RIMS2: variants seen among roughly 807,000 people sequenced by gnomAD.
The protein encoded by RIMS2 is regulating synaptic membrane exocytosis 2, also known as regulating synaptic membrane exocytosis protein 2.
In RIMS2, 59 loss-of-function variants were observed where a neutral mutation model predicts 174.4. The ratio of observed to expected loss-of-function variants is 0.34; its 90% CI spans 0.27 to 0.42. The LOEUF (loss-of-function observed/expected upper bound fraction) is 0.42, where lower values mean the gene tolerates loss of function less well. RIMS2 is among the 10% of genes least tolerant of loss of function. RIMS2 has a pLI of 1.00. For missense variants in RIMS2, 1,620 were observed against 1,666.3 expected, an observed-to-expected ratio of 0.97 and a Z score of 0.48; for synonymous variants, 606 against 572.5, an observed-to-expected ratio of 1.06 and a Z score of -0.84.
chr8:103,843,410 C>T (rs2098951568), intron 3 of RIMS2, among the ~76,000 whole-genome samples: 1 of 152,210 alleles, frequency 6.6e-6, no homozygotes, highest in Non-Finnish European at 1.5e-5. Context: ...TCCAGGCATG[C>T]ACCACTGTGC....
chr8:103,934,237 T>C (rs977038451), intron 12 of RIMS2, among the ~76,000 whole-genome samples: 45 of 152,128 alleles, frequency 3.0e-4, no homozygotes, highest in African/African-American at 1.0e-3. Flanking sequence ...TAAAAAAAAG[T>C]TAACTACCTT....
intron 3 of RIMS2, among the ~76,000 whole-genome samples, chr8:103,784,408 C>T (rs1437949871): frequency 2.0e-5 from 3 of 147,858 alleles, no homozygotes; most frequent in Non-Finnish European, 3.0e-5. Context: ...TTAGGTGTAA[C>T]GTTTAAGTCT....
At chr8:103,859,190 T>C (rs1206762976) in intron 3 of RIMS2, among the ~76,000 whole-genome samples, 2 of 152,034 alleles carry the variant, frequency 1.3e-5, no homozygotes, top group African/African-American at 2.4e-5. Flanking sequence ...TTTCTCAGAG[T>C]TTTCTAAAAG....
chr8:103,564,561 G>A (rs954660822), intron 1 of RIMS2, among the ~76,000 whole-genome samples: 3 of 152,160 alleles, frequency 2.0e-5, no homozygotes, highest in Non-Finnish European at 4.4e-5. Context: ...AAGAGCCTCT[G>A]GCAAACCACT....
At chr8:103,896,493 G>T (rs1443867086) in intron 4 of RIMS2, among the ~76,000 whole-genome samples, 1 of 151,654 alleles carries the variant, frequency 6.6e-6, no homozygotes, top group African/African-American at 2.4e-5. Context: ...GGTTTCCACA[G>T]CCATACAATT....
chr8:103,900,185 G>A (rs1341502174), intron 4 of RIMS2, among the ~76,000 whole-genome samples: 1 of 151,530 alleles, frequency 6.6e-6, no homozygotes, highest in Non-Finnish European at 1.5e-5. Flanking sequence ...ATAAGTGAAG[G>A]AGAAATAAAA....
chr8:103,927,662 A>G (rs2079040971), intron 10 of RIMS2, among the ~76,000 whole-genome samples: 2 of 151,478 alleles, frequency 1.3e-5, no homozygotes, highest in African/African-American at 4.8e-5. Flanking sequence ...GTTTTTTGGC[A>G]TTGGACAAAA....
chr8:104,244,171 G>A (rs1397841879), intron 19 of RIMS2, among the ~76,000 whole-genome samples: 2 of 152,010 alleles, frequency 1.3e-5, no homozygotes, highest in East Asian at 3.9e-4. Flanking sequence ...TTTCCTGTTT[G>A]GTCTTCTAAT....
intron 1 of RIMS2, among the ~76,000 whole-genome samples, chr8:103,585,896 T>C (rs2093890647): frequency 6.7e-6 from 1 of 148,856 alleles, no homozygotes; most frequent in Non-Finnish European, 1.5e-5. Flanking sequence ...AAAGAAAAAT[T>C]TTAAAAAATT....
chr8:103,714,738 T>A (rs1281282798), intron 2 of RIMS2, among the ~76,000 whole-genome samples: 1 of 152,026 alleles, frequency 6.6e-6, no homozygotes, highest in Non-Finnish European at 1.5e-5. Context: ...GATATATAAG[T>A]GATAATGAGA....
In RIMS2 at chr8:104,199,207, G is replaced by A. The variant is rs112984863; in HGVS notation, c.3335-45709G>A. 4.3e-3 allele frequency among the ~76,000 whole-genome samples: 656 copies of A among 151,930 alleles called. 3 individuals are homozygous for A. Among genetic ancestry groups the A allele is most frequent in the African/African-American group, 0.015 (602 of 41,430 alleles). On this transcript the variant is annotated intron_variant, in intron 19 of 23. Coordinates refer to ENST00000504942, the Ensembl canonical transcript of RIMS2. ...CTCCCGAGTAGCTGGGACTACAGGC[G>A]CCCGCCACCACGCCCGGCTAATTTT...
chr8:103,728,588 G>A (rs1004228449), intron 2 of RIMS2, among the ~76,000 whole-genome samples: 1 of 151,706 alleles, frequency 6.6e-6, no homozygotes, highest in African/African-American at 2.4e-5. Flanking sequence ...CTTTTATTTT[G>A]TTGAGGTGTG....
intron 19 of RIMS2, among the ~76,000 whole-genome samples, chr8:104,137,500 T>C (rs1278120174): frequency 6.6e-6 from 1 of 152,224 alleles, no homozygotes; most frequent in African/African-American, 2.4e-5. Flanking sequence ...ACCTACAATT[T>C]ACCAATGAAC....
At chr8:104,227,011 T>G (rs1205766735) in intron 19 of RIMS2, among the ~76,000 whole-genome samples, 1 of 152,140 alleles carries the variant, frequency 6.6e-6, no homozygotes, top group Admixed American at 6.5e-5. Flanking sequence ...TTTAATTTCA[T>G]GATAATTTTT....
intron 17 of RIMS2, among the ~76,000 whole-genome samples, chr8:103,992,079 A>G (rs1040759589): frequency 1.3e-5 from 2 of 152,032 alleles, no homozygotes; most frequent in African/African-American, 2.4e-5. Context: ...AGATAGAGAA[A>G]TCAGCCAGTT....
chr8:103,630,509 G>C (rs1186298728), intron 1 of RIMS2, among the ~76,000 whole-genome samples: 1 of 150,270 alleles, frequency 6.7e-6, no homozygotes, highest in African/African-American at 2.5e-5. Context: ...GAACCAGGGA[G>C]GCAAAGGTTG....
intron 1 of RIMS2, among the ~76,000 whole-genome samples, chr8:103,555,319 A>G (rs1849907603): frequency 6.6e-6 from 1 of 152,216 alleles, no homozygotes; most frequent in Non-Finnish European, 1.5e-5. Flanking sequence ...ACAAAGATAT[A>G]TTACCTCACA....
chr8:103,954,449 C>T (rs940117511), intron 14 of RIMS2, among the ~76,000 whole-genome samples: 14 of 152,192 alleles, frequency 9.2e-5, no homozygotes, highest in Admixed American at 5.2e-4. Context: ...TTAAGAAACT[C>T]ACTCAAAACC....
chr8:103,841,384 T>C (rs892069694), intron 3 of RIMS2, among the ~76,000 whole-genome samples: 1 of 152,200 alleles, frequency 6.6e-6, no homozygotes, highest in Non-Finnish European at 1.5e-5. Flanking sequence ...AAATATCTCT[T>C]TTTAAAAATC....
Sources: gnomAD v4.1 joint callset for allele counts (sites outside exome capture counted in the v4.1 genomes callset) on GRCh38, gnomAD v4.1.1 for gene constraint, MANE v1.5 for transcripts, NCBI Gene and HGNC (gene_info 2026-07-23, HGNC 2026-07-21) for gene names.